ALMS1: variants seen among roughly 807,000 people sequenced by gnomAD.
ALMS1 encodes the protein centrosome-associated protein ALMS1.
ALMS1 carries 271 observed loss-of-function variants against 352.2 expected under a neutral mutation model. That is an observed-to-expected ratio of 0.77 (90% CI 0.70 to 0.85). ALMS1 has a LOEUF of 0.85. Among genes scored for constraint, ALMS1 ranks in the 40% least tolerant of loss-of-function variants. The pLI is 0.00. For missense variants in ALMS1, 5,445 were observed against 4,870.7 expected (o/e 1.12, Z -3.51); for synonymous variants, 1,865 against 1,761.2 (o/e 1.06, Z -1.48).
intron 1 of ALMS1, among the ~76,000 whole-genome samples, chr2:73,401,883 T>TA (rs1291996376): frequency 2.0e-5 from 3 of 152,198 alleles, no homozygotes; most frequent in African/African-American, 7.2e-5. Context: ...TACTTGACTT[T>TA]AAAAAATAGA....
At position 73,447,988 on chromosome 2, in the gene ALMS1, A is replaced by C. The variant is rs1671840179; in HGVS notation, c.1461A>C (p.Lys487Asn). 6.2e-7 allele frequency: 1 copy of C among 1,613,368 alleles called. No individual in the cohort carries two copies. Among genetic ancestry groups the C allele is most frequent in the Non-Finnish European group, 8.5e-7 (1 of 1,179,604 alleles). ...AGDTSKGGIAKVTQSNLKSGI... is the reference protein window; with the variant it reads ...AGDTSKGGIANVTQSNLKSGI... ...ACACTTCTAAAGGAGGCATAGCTAA[A>C]GTTACTCAATCCAACTTGAAGTCAG... Residue 487 changes from lysine to asparagine, a missense_variant, in exon 8 of 23, where the codon AAA (lysine) becomes AAC (asparagine). Coordinates refer to ENST00000613296, the MANE Select transcript of ALMS1 (RefSeq NM_001378454.1).
chr2:73,568,992 C>CCTCTTT (rs1558697963), intron 15 of ALMS1, among the ~76,000 whole-genome samples: 4 of 66,904 alleles, frequency 6.0e-5, no homozygotes, highest in Admixed American at 2.1e-4. Context: ...GCTGCTTCTG[C>CCTCTTT]TTCTTTTTTT....
chr2:73,463,759 G>A (rs1672261749), intron 9 of ALMS1, among the ~76,000 whole-genome samples: 1 of 139,290 alleles, frequency 7.2e-6, no homozygotes, highest in Non-Finnish European at 1.6e-5. Flanking sequence ...AATGATAAAG[G>A]GGATATCACC....
intron 7 of ALMS1, among the ~76,000 whole-genome samples, chr2:73,441,970 C>T (rs752616154): frequency 6.6e-6 from 1 of 152,102 alleles, no homozygotes; most frequent in African/African-American, 2.4e-5. Context: ...TGAATAAACT[C>T]AGGGATCTCA....
rs1294566237 is a variant in ALMS1, at chr2:73,448,264, G to A, written c.1737G>A (p.Gly579=). The change falls in exon 8 of 23, where the codon GGG becomes GGA. Residue 579 remains glycine (G), a synonymous_variant. Coordinates refer to ENST00000613296, the MANE Select transcript of ALMS1 (RefSeq NM_001378454.1). The part of the protein sequence containing the change: ...TVLSSSHSHR[G]KPSIFYQQGL... The stretch of plus-strand genomic sequence containing the variant: ...TCTCTAGTTCCCACTCACATAGGGG[G>A]AAGCCCAGCATTTTCTACCAGCAGG... 2 of 1,613,920 alleles carry A rather than the reference G, an allele frequency of 1.2e-6. No individual in the cohort carries two copies. Among genetic ancestry groups the A allele is most frequent in the South Asian group, 2.2e-5 (2 of 91,064 alleles).
At chr2:73,585,392 C>CTTTTTTT (rs760209126) in intron 16 of ALMS1, among the ~76,000 whole-genome samples, 1 of 122,586 alleles carries the variant, frequency 8.2e-6, no homozygotes, top group Admixed American at 8.4e-5. Flanking sequence ...TGATGATGAG[C>CTTTTTTT]TTTTTTTTTT....
chr2:73,474,411 C>G (rs1719066), intron 9 of ALMS1, among the ~76,000 whole-genome samples: 33,056 of 148,294 alleles, frequency 0.22, 4,519 homozygotes, highest in African/African-American at 0.37. Context: ...GTGTGTGTGT[C>G]TATTGGTTTA....
At chr2:73,521,462 C>T (rs894287668) in intron 11 of ALMS1, among the ~76,000 whole-genome samples, 30 of 151,684 alleles carry the variant, frequency 2.0e-4, no homozygotes, top group Admixed American at 4.6e-4. Flanking sequence ...AAAAGCAGTG[C>T]GCGGTGGCTC....
intron 1 of ALMS1, among the ~76,000 whole-genome samples, chr2:73,399,649 G>A (rs1341352665): frequency 6.6e-6 from 1 of 151,586 alleles, no homozygotes. Context: ...CCAACACTGG[G>A]GATTACATTT....
chr2:73,453,051 C>G lies in ALMS1; in HGVS notation c.6524C>G (p.Ala2175Gly), dbSNP rs549259627. ...ALKISSALGQ[A>G]DQITGLQTVP... is the part of the protein sequence containing the mutation. ...AAGATCTCAAGTGCTCTTGGGCAAG[C>G]TGATCAAATTACCGGATTACAAACA... is the stretch of plus-strand genomic sequence containing the variant. Residue 2175 changes from alanine (A) to glycine (G), a missense_variant, in exon 8 of 23, where the codon GCT (alanine) becomes GGT (glycine). By Grantham distance (60) the Ala-to-Gly change is moderately conservative. Coordinates refer to ENST00000613296, the MANE Select transcript of ALMS1 (RefSeq NM_001378454.1). 6.2e-7 allele frequency: 1 copy of G among 1,613,846 alleles called. No individual in the cohort carries two copies. Among genetic ancestry groups the G allele is most frequent in the South Asian group, 1.1e-5 (1 of 91,050 alleles).
chr2:73,432,801 G>A (rs562162486), intron 7 of ALMS1, among the ~76,000 whole-genome samples: 1 of 152,146 alleles, frequency 6.6e-6, no homozygotes, highest in Non-Finnish European at 1.5e-5. Context: ...CAAGTCCCCT[G>A]ATGTTTTATT....
At chr2:73,463,246 A>ACTAT (rs1672247683) in intron 9 of ALMS1, among the ~76,000 whole-genome samples, 1 of 152,218 alleles carries the variant, frequency 6.6e-6, no homozygotes, top group Non-Finnish European at 1.5e-5. Context: ...ATTATAACAA[A>ACTAT]CTATCTCTCA....
At position 73,586,393 on chromosome 2, in the gene ALMS1, T is replaced by A. The variant is rs560209274; in HGVS notation, c.11547+12969T>A. Among the ~76,000 whole-genome samples, 7 of 152,340 alleles carry A rather than the reference T, an allele frequency of 4.6e-5. No individual in the cohort carries two copies. In the South Asian group the frequency reaches 1.4e-3, roughly 32 times the overall value. ...TATGGTTTCAGGTCTTAGATTTAAGTCTTTAATCCATCTTGAGTTAATTTT... is the reference window on the plus strand; with the variant it reads ...TATGGTTTCAGGTCTTAGATTTAAGACTTTAATCCATCTTGAGTTAATTTT... On this transcript the variant is annotated intron_variant, in intron 16 of 22. Coordinates refer to ENST00000613296, the MANE Select transcript of ALMS1 (RefSeq NM_001378454.1).
intron 13 of ALMS1, among the ~76,000 whole-genome samples, chr2:73,551,725 C>T (rs1012749599): frequency 3.3e-5 from 5 of 152,106 alleles, no homozygotes; most frequent in Admixed American, 6.5e-5. Flanking sequence ...CATGAGCCAC[C>T]GTGTCTGGCC....
Position 73,453,474 on chromosome 2 carries a change from T to G in ALMS1, c.6947T>G (p.Leu2316Trp). Reference protein sequence around the residue: ...PSSTGVSNGDLLHRQPFTEES... With the variant: ...PSSTGVSNGDWLHRQPFTEES... ...TCCACGGGTGTATCTAATGGTGATT[T>G]GCTTCACAGACAGCCATTCACAGAG... Residue 2316 changes from leucine to tryptophan, a missense_variant, in exon 8 of 23, where the codon TTG (leucine) becomes TGG (tryptophan). Transcript: ENST00000613296. 1 of 1,613,410 alleles carries G rather than the reference T, an allele frequency of 6.2e-7. No homozygotes were observed. Among genetic ancestry groups the G allele is most frequent in the Non-Finnish European group, 8.5e-7 (1 of 1,179,670 alleles).
At chr2:73,454,300 A>G (rs1438525230) in intron 8 of ALMS1, 2 of 981,352 alleles carry the variant, frequency 2.0e-6, no homozygotes, top group Non-Finnish European at 2.4e-6. Flanking sequence ...GTTAAGTTAC[A>G]GTATTAATAG....
intron 7 of ALMS1, among the ~76,000 whole-genome samples, chr2:73,446,051 A>T (rs907995415): frequency 4.6e-5 from 7 of 152,156 alleles, no homozygotes; most frequent in Non-Finnish European, 1.0e-4. Context: ...ACAGTTTGAC[A>T]TATATGTCCT....
At chr2:73,546,515 C>T (rs907225346) in intron 12 of ALMS1, among the ~76,000 whole-genome samples, 7 of 152,176 alleles carry the variant, frequency 4.6e-5, no homozygotes, top group African/African-American at 1.2e-4. Flanking sequence ...TTTATGTTCA[C>T]GTTGGTTGAC....
At chr2:73,474,241 A>G (rs1258482421) in intron 9 of ALMS1, among the ~76,000 whole-genome samples, 1 of 152,126 alleles carries the variant, frequency 6.6e-6, no homozygotes, top group Non-Finnish European at 1.5e-5. Flanking sequence ...ATATATTTAA[A>G]AAATTGAGAA....
Sources: gnomAD v4.1 joint callset for allele counts (sites outside exome capture counted in the v4.1 genomes callset) on GRCh38, gnomAD v4.1.1 for gene constraint, MANE v1.5 for transcripts, NCBI Gene and HGNC (gene_info 2026-07-23, HGNC 2026-07-21) for gene names.